PCDHA6: variants seen among roughly 807,000 people sequenced by gnomAD.
The protein encoded by PCDHA6 is protocadherin alpha-6.
Under a neutral mutation model 60.3 loss-of-function variants are expected in PCDHA6, and 55 were observed. That is an observed-to-expected ratio of 0.91 (90% CI 0.73 to 1.14). PCDHA6 has a LOEUF of 1.14. Among genes scored for constraint, PCDHA6 ranks in the 50% most tolerant of loss-of-function variants. PCDHA6 has a pLI of 0.00. For missense variants in PCDHA6, 1,327 were observed against 1,256.5 expected (o/e 1.06, Z -0.85); for synonymous variants, 652 against 557.9 (o/e 1.17, Z -2.38).
At chr5:140,967,321 C>T (rs985147302) in intron 1 of PCDHA6, 12 of 1,609,430 alleles carry the variant, frequency 7.5e-6, no homozygotes, top group Non-Finnish European at 1.0e-5. Context: ...TACAGACCTA[C>T]GAGCTCAGCC....
chr5:140,838,443 T>C (rs1554137081), intron 1 of PCDHA6, among the ~76,000 whole-genome samples: 5 of 151,752 alleles, frequency 3.3e-5, no homozygotes, highest in Non-Finnish European at 5.9e-5. Flanking sequence ...TATTGGGTTT[T>C]GTGGCATATT....
chr5:140,933,306 G>A (rs1159375359), intron 1 of PCDHA6, among the ~76,000 whole-genome samples: 1 of 151,920 alleles, frequency 6.6e-6, no homozygotes, highest in African/African-American at 2.4e-5. Context: ...AAATAAATAT[G>A]CAATCTCGTA....
intron 1 of PCDHA6, among the ~76,000 whole-genome samples, chr5:140,895,467 T>A (rs1201680855): frequency 6.6e-6 from 1 of 152,204 alleles, no homozygotes. Flanking sequence ...CATTTCTTTA[T>A]CCTCTTCGGA....
chr5:140,986,947 C>T (rs983987541), intron 3 of PCDHA6, among the ~76,000 whole-genome samples: 1 of 152,160 alleles, frequency 6.6e-6, no homozygotes, highest in African/African-American at 2.4e-5. Context: ...GGTGTGGTCG[C>T]TCATGCCTGT....
chr5:140,890,828 A>G (rs1554184556), intron 1 of PCDHA6, among the ~76,000 whole-genome samples: 1 of 152,180 alleles, frequency 6.6e-6, no homozygotes, highest in Non-Finnish European at 1.5e-5. Flanking sequence ...ATGTACTTAC[A>G]TATTTACCAG....
At chr5:140,983,104 T>C (rs907787884) in intron 3 of PCDHA6, among the ~76,000 whole-genome samples, 3 of 152,234 alleles carry the variant, frequency 2.0e-5, no homozygotes, top group Admixed American at 1.3e-4. Flanking sequence ...TGCTTCTCTC[T>C]GCACATCAAC....
At chr5:140,849,965 G>C (rs2150460683) in intron 1 of PCDHA6, 1 of 1,597,882 alleles carries the variant, frequency 6.3e-7, no homozygotes, top group East Asian at 2.2e-5. Context: ...ACGCCCTGGT[G>C]TCCTACTCGC....
At chr5:140,841,406 G>C (rs2150314785) in intron 1 of PCDHA6, 3 of 1,613,082 alleles carry the variant, frequency 1.9e-6, no homozygotes, top group Non-Finnish European at 1.7e-6. Context: ...GGTGGGGAGC[G>C]GCCAGCTCCA....
Position 140,927,828 on chromosome 5 carries a change from G to A in PCDHA6, c.2395-51121G>A, listed in dbSNP as rs782244639. The A allele has an allele frequency of 7.4e-6, 12 of 1,614,074 alleles. No individual in the cohort carries two copies. The South Asian group carries it at 9.9e-5, about 13-fold the overall frequency. On this transcript the variant is annotated intron_variant, in intron 1 of 3. Coordinates refer to ENST00000529310, the MANE Select transcript of PCDHA6 (RefSeq NM_018909.4). ...CGCTCTTGGAGGCATACATTGAGGC[G>A]AGGGACGAAGGTGTCTTTGGTTTAG...
At chr5:140,841,507 C>T in intron 1 of PCDHA6, 2 of 1,613,396 alleles carry the variant, frequency 1.2e-6, no homozygotes, top group South Asian at 1.1e-5. Flanking sequence ...TGGTGCCGCG[C>T]CTGTTCCGGG....
At chr5:140,926,957 T>G in intron 1 of PCDHA6, 1 of 1,602,892 alleles carries the variant, frequency 6.2e-7, no homozygotes, top group Non-Finnish European at 8.5e-7. Context: ...GCGGGACAGC[T>G]CGAGTACTCA....
At chr5:140,931,970 G>A (rs2087909153) in intron 1 of PCDHA6, among the ~76,000 whole-genome samples, 1 of 151,866 alleles carries the variant, frequency 6.6e-6, no homozygotes, top group Non-Finnish European at 1.5e-5. Flanking sequence ...TGATGCATAT[G>A]TGTTTATATT....
chr5:140,997,131 C>T (rs577407385), intron 3 of PCDHA6, among the ~76,000 whole-genome samples: 26 of 152,126 alleles, frequency 1.7e-4, no homozygotes, highest in African/African-American at 6.0e-4. Flanking sequence ...ACACAATGCC[C>T]CCACACCCCC....
At chr5:140,927,896 A>C in intron 1 of PCDHA6, 1 of 1,614,200 alleles carries the variant, frequency 6.2e-7, no homozygotes, top group East Asian at 2.2e-5. Flanking sequence ...GACGTGAACG[A>C]TCATGCCCCC....
rs2150394601 is a variant in PCDHA6 at position 140,846,768 on chromosome 5, A to T, written c.2394+16283A>T. On this transcript the variant is annotated intron_variant, in intron 1 of 3. Coordinates refer to ENST00000529310, the MANE Select transcript of PCDHA6 (RefSeq NM_018909.4). ...TACAGATCTCTAACAGCATATCATC[A>T]TGTCAGGAATTATTACTGAGCCCCA... Among the ~76,000 whole-genome samples, 10 of 149,454 alleles carry T rather than the reference A, an allele frequency of 6.7e-5. 1 individual carries two copies. The highest frequency in any genetic ancestry group is 2.2e-4 in the African/African-American group (9 of 40,730).
chr5:140,850,195 C>A, intron 1 of PCDHA6: 1 of 1,593,610 alleles, frequency 6.3e-7, no homozygotes, highest in South Asian at 1.1e-5. Context: ...GCGCTGCTGA[C>A]ACCTCGGATG....
Position 140,848,936 on chromosome 5 carries a change from G to A in PCDHA6, c.2394+18451G>A, listed in dbSNP as rs2150425486. ...ATCTGTTCATCGCGGAATCCAGGCC[G>A]CTTGACTCTCGGTTTCCACTAGAGG... is the stretch of plus-strand genomic sequence containing the variant. On this transcript the variant is annotated intron_variant, in intron 1 of 3. Coordinates refer to ENST00000529310, the MANE Select transcript of PCDHA6 (RefSeq NM_018909.4). 2.3e-5 allele frequency: 37 copies of A among 1,607,476 alleles called. No homozygotes were observed. The East Asian group carries it at 6.7e-4, about 29-fold the overall frequency.
intron 1 of PCDHA6, chr5:140,883,594 G>T: frequency 1.9e-6 from 3 of 1,614,032 alleles, no homozygotes; most frequent in Non-Finnish European, 2.5e-6. Context: ...CCAGCGTGTC[G>T]GTGGGGGTGG....
intron 1 of PCDHA6, among the ~76,000 whole-genome samples, chr5:140,901,849 A>AT (rs1167488433): frequency 2.0e-5 from 3 of 151,932 alleles, no homozygotes; most frequent in Non-Finnish European, 4.4e-5. Context: ...ATATCTTTCC[A>AT]TTTTTTTGTG....
Sources: gnomAD v4.1 joint callset for allele counts (sites outside exome capture counted in the v4.1 genomes callset) on GRCh38, gnomAD v4.1.1 for gene constraint, MANE v1.5 for transcripts, NCBI Gene and HGNC (gene_info 2026-07-23, HGNC 2026-07-21) for gene names.